DTNBP1: variants seen among roughly 807,000 people sequenced by gnomAD.
The protein encoded by DTNBP1 is dystrobrevin binding protein 1.
DTNBP1 carries 35 observed loss-of-function variants against 42.8 expected under a neutral mutation model. The ratio of observed to expected loss-of-function variants is 0.82; its 90% CI spans 0.63 to 1.09. The LOEUF (loss-of-function observed/expected upper bound fraction) is 1.09, where lower values mean the gene tolerates loss of function less well. DTNBP1 is among the 50% of genes least tolerant of loss of function. The pLI is 0.00. For missense variants in DTNBP1, 457 were observed against 424.2 expected (o/e 1.08, Z -0.68); for synonymous variants, 171 against 162.2 (o/e 1.05, Z -0.41).
At chr6:15,538,933 C>T (rs923158820) in intron 7 of DTNBP1, among the ~76,000 whole-genome samples, 3 of 152,156 alleles carry the variant, frequency 2.0e-5, no homozygotes, top group African/African-American at 4.8e-5. Context: ...ACAAAACAAA[C>T]GCAGCAGCTC....
At chr6:15,602,713 C>A (rs918222956) in intron 6 of DTNBP1, among the ~76,000 whole-genome samples, 1 of 152,034 alleles carries the variant, frequency 6.6e-6, no homozygotes, top group Non-Finnish European at 1.5e-5. Flanking sequence ...ACTTTTCAAC[C>A]CAGGATAATA....
At chr6:15,640,559 T>A (rs1392982399) in intron 3 of DTNBP1, among the ~76,000 whole-genome samples, 1 of 152,226 alleles carries the variant, frequency 6.6e-6, no homozygotes, top group Admixed American at 6.5e-5. Context: ...TTACCTTACT[T>A]GGTAGACAAA....
chr6:15,523,561 T>A, intron 9 of DTNBP1: 1 of 1,183,840 alleles, frequency 8.4e-7, no homozygotes, highest in Non-Finnish European at 1.1e-6. Flanking sequence ...AATCTAGATT[T>A]CTTTTTTTTT....
intron 7 of DTNBP1, chr6:15,585,612 A>T: frequency 8.0e-7 from 1 of 1,256,182 alleles, no homozygotes; most frequent in Non-Finnish European, 1.1e-6. Flanking sequence ...GCTTTTTAAT[A>T]ATATATCATC....
intron 7 of DTNBP1, among the ~76,000 whole-genome samples, chr6:15,567,991 T>G (rs1239939166): frequency 1.3e-5 from 2 of 152,172 alleles, no homozygotes; most frequent in African/African-American, 4.8e-5. Context: ...ATTAAGCCCT[T>G]GATGGGGTTC....
At chr6:15,662,707 A>G (rs1459033993) in intron 1 of DTNBP1, 107 bp downstream of exon 1, 6 of 1,473,752 alleles carry the variant, frequency 4.1e-6, no homozygotes, top group Non-Finnish European at 5.6e-6. Context: ...GAGGTGCGGG[A>G]CAGGACGGAC....
intron 8 of DTNBP1, among the ~76,000 whole-genome samples, chr6:15,527,607 G>GA (rs1772494854): frequency 6.6e-6 from 1 of 151,904 alleles, no homozygotes; most frequent in South Asian, 2.1e-4. Context: ...ACTTGGGTTA[G>GA]AAAAAAACAA....
chr6:15,533,485 T>C, intron 7 of DTNBP1, 90 bp from the exon 8 acceptor site: 1 of 1,601,614 alleles, frequency 6.2e-7, no homozygotes, highest in Non-Finnish European at 8.5e-7. Flanking sequence ...ACCCTCCAAG[T>C]GGATGGAGTC....
At chr6:15,555,557 C>G (rs1774465534) in intron 7 of DTNBP1, among the ~76,000 whole-genome samples, 1 of 152,190 alleles carries the variant, frequency 6.6e-6, no homozygotes, top group Non-Finnish European at 1.5e-5. Flanking sequence ...CCTCACTGCT[C>G]ATTATACACT....
At chr6:15,584,600 G>A (rs551075586) in intron 7 of DTNBP1, among the ~76,000 whole-genome samples, 3 of 151,758 alleles carry the variant, frequency 2.0e-5, no homozygotes, top group Non-Finnish European at 2.9e-5. Flanking sequence ...AGGCGTGAGA[G>A]AGGGACACAA....
In DTNBP1 at chr6:15,588,652, T is replaced by G. The variant is rs142852074; in HGVS notation, c.511+4407A>C. Among the ~76,000 whole-genome samples the G allele has an allele frequency of 4.6e-3, 706 of 152,370 alleles. 6 individuals carry two copies. The highest frequency in any genetic ancestry group is 0.016 in the African/African-American group (679 of 41,594). ...TCAAGGCTGGGTACCAGTTGTTCCTTGCCTCTCTGTCCAACTTCATCCCTC... is the reference window on the plus strand; with the variant it reads ...TCAAGGCTGGGTACCAGTTGTTCCTGGCCTCTCTGTCCAACTTCATCCCTC... On this transcript the variant is annotated intron_variant, in intron 7 of 9. Coordinates refer to ENST00000344537, the MANE Select transcript of DTNBP1 (RefSeq NM_032122.5).
chr6:15,632,505 C>T (rs1015009684), intron 4 of DTNBP1, among the ~76,000 whole-genome samples: 1 of 152,002 alleles, frequency 6.6e-6, no homozygotes, highest in Admixed American at 6.6e-5. Flanking sequence ...AGGAAAGAAA[C>T]AAACTTACCA....
intron 2 of DTNBP1, 131 bp downstream of exon 2, chr6:15,651,956 G>T: frequency 1.3e-6 from 1 of 752,042 alleles, no homozygotes; most frequent in South Asian, 2.0e-5. Flanking sequence ...AGAAAGAATC[G>T]ATAAATTATT....
At chr6:15,594,561 G>A (rs1449149759) in intron 6 of DTNBP1, among the ~76,000 whole-genome samples, 1 of 151,614 alleles carries the variant, frequency 6.6e-6, no homozygotes. Context: ...TAAAAGCTTA[G>A]CTAGGTACAA....
At chr6:15,646,487 T>C (rs918426245) in intron 3 of DTNBP1, among the ~76,000 whole-genome samples, 2 of 151,008 alleles carry the variant, frequency 1.3e-5, no homozygotes, top group African/African-American at 4.9e-5. Context: ...AAATTACCAA[T>C]GCCATTTTCC....
intron 6 of DTNBP1, among the ~76,000 whole-genome samples, chr6:15,613,233 G>T (rs1045396766): frequency 2.7e-5 from 4 of 150,932 alleles, no homozygotes; most frequent in African/African-American, 9.7e-5. Context: ...AACCCAGGAG[G>T]CGGAGGTTGC....
intron 8 of DTNBP1, among the ~76,000 whole-genome samples, chr6:15,525,572 G>C (rs190558094): frequency 1.3e-5 from 2 of 152,152 alleles, no homozygotes; most frequent in Admixed American, 6.5e-5. Flanking sequence ...TCACAGGAAA[G>C]GTGAAGTCAA....
chr6:15,568,810 T>C lies in DTNBP1; in HGVS notation c.511+24249A>G, dbSNP rs573843809. The stretch of plus-strand genomic sequence containing the variant: ...TTGTGAGAATATAGCATATTATACT[T>C]ATGACATACCAAATACATGTTAATC... On this transcript the variant is annotated intron_variant, in intron 7 of 9. Coordinates refer to ENST00000344537, the MANE Select transcript of DTNBP1 (RefSeq NM_032122.5). Among the ~76,000 whole-genome samples the C allele has an allele frequency of 2.0e-5, 3 of 152,246 alleles. No individual in the cohort carries two copies. In the South Asian group the frequency reaches 6.2e-4, roughly 32 times the overall value.
intron 6 of DTNBP1, among the ~76,000 whole-genome samples, chr6:15,611,377 C>G (rs191942680): frequency 1.3e-5 from 2 of 152,138 alleles, no homozygotes; most frequent in African/African-American, 2.4e-5. Flanking sequence ...CTTGACAATG[C>G]ACCTGGTCAC....
Sources: allele counts gnomAD v4.1 joint callset (sites outside exome capture counted in the v4.1 genomes callset), GRCh38; gene constraint gnomAD v4.1.1; transcripts MANE v1.5; gene names NCBI Gene and HGNC (gene_info 2026-07-23, HGNC 2026-07-21).